The following CNIH3 variants were observed in gnomAD, a reference collection of about 807,000 sequenced individuals.
CNIH3 encodes protein cornichon homolog 3.
A neutral mutation model predicts 24.1 loss-of-function variants in CNIH3; 14 were observed. That is an observed-to-expected ratio of 0.58 (90% confidence interval 0.38 to 0.91). The LOEUF (loss-of-function observed/expected upper bound fraction) is 0.91. Ranked by LOEUF, CNIH3 falls within the 40% of genes least tolerant of loss-of-function variation. The pLI, the probability that CNIH3 is intolerant of heterozygous loss-of-function variation, is 0.00. For synonymous variants in CNIH3, 68 were observed against 73.8 expected, an observed-to-expected ratio of 0.92 and a Z score of 0.40; for missense variants, 178 against 196.8, an observed-to-expected ratio of 0.90 and a Z score of 0.57.
At chr1:224,573,289 TCTCTTAGTTACTACTTCCTCAGG>T (rs1448059479) in intron 4 of CNIH3, among the ~76,000 whole-genome samples, 1 of 152,210 alleles carries the variant, frequency 6.6e-6, no homozygotes. Context: ...ATCTTCCTTT[TCTCTTAGTTACTACTTCCTCAGG>T]AAGAGAGTAT....
Position 224,561,941 on chromosome 1 carries a change from T to C in CNIH3, n.451-4258T>C, listed in dbSNP as rs1680389996. Among the ~76,000 whole-genome samples the C allele has an allele frequency of 2.6e-5, 4 of 152,258 alleles. No individual in the cohort carries two copies. The South Asian group carries it at 8.3e-4, about 32-fold the overall frequency. ...ATATGGAGAATGGATTGAAGGACTT[T>C]CTCGAAGAAGAGTGCATGGAAACTT... On this transcript the variant is annotated intron_variant and non_coding_transcript_variant, in intron 3 of 5. Coordinates refer to the CNIH3 transcript ENST00000471578.
At chr1:224,519,810 G>A (rs1210472648) in intron 1 of CNIH3, among the ~76,000 whole-genome samples, 3 of 151,678 alleles carry the variant, frequency 2.0e-5, no homozygotes, top group Non-Finnish European at 4.4e-5. Context: ...GACTAACACG[G>A]TAGCTACTAG....
chr1:224,684,914 T>TCACTAGCCTCTTTC lies in CNIH3; in HGVS notation c.198+71_198+72insCACTAGCCTCTTTC. ...TGGGTGGGCACACAGTGAAAGAGGC[T>TCACTAGCCTCTTTC]AGTGAGGCTCTGCCTGCTCCAGTCC... On this transcript the variant is annotated intron_variant, in intron 3 of 5. Transcript: ENST00000272133. The surrounding 1 kb of genome is among the most constrained non-coding windows in gnomAD (Gnocchi z 4.2). 3 of 1,429,316 alleles carry TCACTAGCCTCTTTC rather than the reference T, an allele frequency of 2.1e-6. No homozygotes were observed. The highest frequency in any genetic ancestry group is 2.0e-6 in the Non-Finnish European group (2 of 1,011,654). 88.5% of individuals were successfully genotyped at this position (1,429,316 alleles called of 1,614,324 possible). A position where few individuals can be genotyped will look rare whatever the true frequency, so the allele number is the denominator to read the frequency against.
chr1:224,560,986 A>G (rs540044665), intron 3 of CNIH3, among the ~76,000 whole-genome samples: 1 of 152,258 alleles, frequency 6.6e-6, no homozygotes, highest in South Asian at 2.1e-4. Flanking sequence ...GATTAATGAT[A>G]TTCAGCACCT....
At chr1:224,548,338 C>T (rs553016700) in intron 3 of CNIH3, among the ~76,000 whole-genome samples, 5 of 151,982 alleles carry the variant, frequency 3.3e-5, no homozygotes, top group African/African-American at 1.2e-4. Context: ...CTTTCAATAT[C>T]ACAGTGGGTG....
chr1:224,518,541 A>C lies in CNIH3; in HGVS notation n.16-2459A>C, dbSNP rs185994025. ...GAGACAGGGTCTTGCTATGCTTCCCAAGCTGGTCTTGAACTCTGGCCTCAA... is the reference window on the plus strand; with the variant it reads ...GAGACAGGGTCTTGCTATGCTTCCCCAGCTGGTCTTGAACTCTGGCCTCAA... On this transcript the variant is annotated intron_variant and non_coding_transcript_variant, in intron 1 of 2. Coordinates refer to the CNIH3 transcript ENST00000470602. Among the ~76,000 whole-genome samples, 325 of 151,460 alleles carry C rather than the reference A, an allele frequency of 2.1e-3. 8 individuals carry two copies. Among genetic ancestry groups the C allele is most frequent in the Admixed American group, 0.019 (287 of 15,184 alleles).
chr1:224,598,518 CAA>C (rs1345583407), intron 3 of CNIH3, among the ~76,000 whole-genome samples: 2 of 152,154 alleles, frequency 1.3e-5, no homozygotes, highest in African/African-American at 4.8e-5. Flanking sequence ...CTACTATAGG[CAA>C]AATGCTATCA....
intron 1 of CNIH3, among the ~76,000 whole-genome samples, chr1:224,498,589 A>G (rs1295625353): frequency 6.6e-6 from 1 of 152,232 alleles, no homozygotes; most frequent in Non-Finnish European, 1.5e-5. Context: ...TTATGAAACT[A>G]AAAAATTCTA....
chr1:224,663,481 A>C (rs1381174658), intron 1 of CNIH3, among the ~76,000 whole-genome samples: 1 of 152,234 alleles, frequency 6.6e-6, no homozygotes, highest in Admixed American at 6.5e-5. Context: ...TTCAACCTGC[A>C]AATGGAAATT....
intron 1 of CNIH3, among the ~76,000 whole-genome samples, chr1:224,626,812 T>G (rs570927599): frequency 6.6e-6 from 1 of 152,178 alleles, no homozygotes; most frequent in Non-Finnish European, 1.5e-5. Flanking sequence ...ACCGTAGATA[T>G]GTCTATTTAT....
intron 1 of CNIH3, among the ~76,000 whole-genome samples, chr1:224,657,446 C>T (rs1285119763): frequency 1.3e-5 from 2 of 152,052 alleles, no homozygotes; most frequent in African/African-American, 4.8e-5. Flanking sequence ...ATATGCCTCA[C>T]ATTTTATTGA....
chr1:224,734,971 C>T (rs951269603), intron 5 of CNIH3, among the ~76,000 whole-genome samples: 2 of 152,176 alleles, frequency 1.3e-5, no homozygotes, highest in East Asian at 3.9e-4. Flanking sequence ...TCTCAACATC[C>T]CTTTGGAGAT....
intron 1 of CNIH3, among the ~76,000 whole-genome samples, chr1:224,506,517 G>T (rs755777988): frequency 6.6e-6 from 1 of 152,194 alleles, no homozygotes; most frequent in Non-Finnish European, 1.5e-5. Context: ...GTTTTAGTCT[G>T]CATGTTACTC....
At chr1:224,733,191 G>A (rs912247544) in intron 4 of CNIH3, among the ~76,000 whole-genome samples, 10 of 152,198 alleles carry the variant, frequency 6.6e-5, no homozygotes, top group African/African-American at 2.4e-4. Flanking sequence ...GGTCACAACA[G>A]CCCTTTGCAG....
chr1:224,629,949 G>A (rs1051491957), intron 1 of CNIH3, among the ~76,000 whole-genome samples: 1 of 152,078 alleles, frequency 6.6e-6, no homozygotes, highest in Non-Finnish European at 1.5e-5. Context: ...TCAAGGTTTT[G>A]CATTAAGGTC....
intron 3 of CNIH3, among the ~76,000 whole-genome samples, chr1:224,690,981 A>G (rs979615738): frequency 6.6e-6 from 1 of 152,226 alleles, no homozygotes; most frequent in Non-Finnish European, 1.5e-5. Flanking sequence ...TGAGGCTGCC[A>G]GTAGCAGCCT....
intron 3 of CNIH3, among the ~76,000 whole-genome samples, chr1:224,719,469 T>C (rs142520019): frequency 6.6e-6 from 1 of 152,354 alleles, no homozygotes; most frequent in East Asian, 1.9e-4. Flanking sequence ...TAATTGCTGC[T>C]TTTTAAAACT....
Position 224,739,547 on chromosome 1 carries a change from C to A in CNIH3, c.*191C>A. 1 of 1,036,372 alleles carries A rather than the reference C, an allele frequency of 9.6e-7. No individual in the cohort carries two copies. The highest frequency in any genetic ancestry group is 1.4e-6 in the Non-Finnish European group (1 of 721,420). 64.2% of individuals were successfully genotyped at this position (1,036,372 alleles called of 1,614,324 possible). On this transcript the variant is annotated 3_prime_UTR_variant, in exon 6 of 6. Transcript: ENST00000272133. ...CCGAGTTAACCCTGCGTGTCTGTGT[C>A]ACCCTGTTTGTCAATCTTTGGCATT...
intron 1 of CNIH3, among the ~76,000 whole-genome samples, chr1:224,675,779 C>T (rs1686108808): frequency 6.6e-6 from 1 of 152,168 alleles, no homozygotes; most frequent in South Asian, 2.1e-4. Flanking sequence ...GATAACTCGA[C>T]ACACCTACTG....
Sources: allele counts gnomAD v4.1 joint callset (sites outside exome capture counted in the v4.1 genomes callset), GRCh38; gene constraint gnomAD v4.1.1; non-coding constraint Gnocchi (gnomAD v3.1); transcripts MANE v1.5; gene names NCBI Gene and HGNC (gene_info 2026-07-23, HGNC 2026-07-21).